PDLIM5: variants seen among roughly 807,000 people sequenced by gnomAD.
PDLIM5 encodes the protein PDZ and LIM domain protein 5.
A neutral mutation model predicts 64.2 loss-of-function variants in PDLIM5; 34 were observed. The ratio of observed to expected loss-of-function variants is 0.53; its 90% CI spans 0.40 to 0.71. The LOEUF (loss-of-function observed/expected upper bound fraction) is 0.71, where lower values mean the gene tolerates loss of function less well. Among genes scored for constraint, PDLIM5 ranks in the 30% least tolerant of loss-of-function variants. The pLI is 0.00. For missense variants in PDLIM5, 683 were observed against 733.6 expected (o/e 0.93, Z 0.80); for synonymous variants, 253 against 269.1 (o/e 0.94, Z 0.59).
intron 2 of PDLIM5, among the ~76,000 whole-genome samples, chr4:94,461,987 T>G (rs1723927352): frequency 6.6e-6 from 1 of 152,082 alleles, no homozygotes; most frequent in Non-Finnish European, 1.5e-5. Context: ...CCTCAGCCTC[T>G]TGAGTAGCTG....
Position 94,575,701 on chromosome 4 carries a change from A to G in PDLIM5, c.377A>G (p.Asn126Ser), listed in dbSNP as rs1192491426. 4 of 1,613,874 alleles carry G rather than the reference A, an allele frequency of 2.5e-6. No homozygotes were observed. The highest frequency in any genetic ancestry group is 1.3e-5 in the African/African-American group (1 of 75,028). ...KVTSTNNMAYNKAPRPFGSVS... is the reference protein window; with the variant it reads ...KVTSTNNMAYSKAPRPFGSVS... ...ACTTCCACAAACAACATGGCCTACA[A>G]TAAGGCACCACGGCCTTTTGGTTCT... is the stretch of plus-strand genomic sequence containing the variant. The change falls in exon 5 of 13, where the codon AAT (asparagine) becomes AGT (serine). Residue 126 changes from asparagine to serine, a missense_variant. Coordinates refer to ENST00000317968, the MANE Select transcript of PDLIM5 (RefSeq NM_006457.5).
intron 2 of PDLIM5, among the ~76,000 whole-genome samples, chr4:94,458,072 G>A (rs1423735950): frequency 1.3e-5 from 2 of 152,166 alleles, no homozygotes; most frequent in Admixed American, 6.6e-5. Context: ...TTAACCCCTT[G>A]TGTGGTTTAA....
chr4:94,463,363 T>G (rs2126082737), intron 2 of PDLIM5, among the ~76,000 whole-genome samples: 2 of 152,292 alleles, frequency 1.3e-5, no homozygotes, highest in South Asian at 4.1e-4. Flanking sequence ...GCCTTACCCA[T>G]AATATAAACA....
At chr4:94,551,951 C>T (rs753382904) in intron 3 of PDLIM5, among the ~76,000 whole-genome samples, 4 of 152,012 alleles carry the variant, frequency 2.6e-5, no homozygotes, top group Non-Finnish European at 5.9e-5. Context: ...GACTTTTTTC[C>T]TGTATATGAG....
At chr4:94,504,109 A>G (rs1451643763) in intron 2 of PDLIM5, among the ~76,000 whole-genome samples, 1 of 152,074 alleles carries the variant, frequency 6.6e-6, no homozygotes, top group Non-Finnish European at 1.5e-5. Flanking sequence ...GTATTTTAGT[A>G]TTTTCTTTTG....
At chr4:94,628,610 T>C (rs1739890616) in intron 8 of PDLIM5, among the ~76,000 whole-genome samples, 1 of 152,166 alleles carries the variant, frequency 6.6e-6, no homozygotes. Flanking sequence ...ACCTTTCTCC[T>C]TCATTTCTGA....
At chr4:94,623,440 C>T (rs1237308479) in intron 8 of PDLIM5, among the ~76,000 whole-genome samples, 5 of 152,152 alleles carry the variant, frequency 3.3e-5, no homozygotes, top group Admixed American at 3.3e-4. Context: ...CAGCTTGTTC[C>T]CCCTTTGTGA....
rs544085779 is a variant in PDLIM5, at chr4:94,608,491, A to G, written c.921-9513A>G. On this transcript the variant is annotated intron_variant, in intron 7 of 12. Transcript: ENST00000317968. Reference sequence around the variant, plus strand: ...GAATTAGAGCATTTGCCTCAAAGACAGGTAAAGGTCATACACAATATGTTA... The same window carrying G: ...GAATTAGAGCATTTGCCTCAAAGACGGGTAAAGGTCATACACAATATGTTA... 5.0e-4 allele frequency among the ~76,000 whole-genome samples: 76 copies of G among 152,294 alleles called. 1 individual carries two copies. Among genetic ancestry groups the G allele is most frequent in the Middle Eastern group, 3.4e-3 (1 of 294 alleles).
chr4:94,585,789 A>G (rs758717790), intron 6 of PDLIM5, 52 bp downstream of exon 6: 6 of 1,422,014 alleles, frequency 4.2e-6, no homozygotes, highest in Non-Finnish European at 2.0e-6. Flanking sequence ...TGCCCCAGAG[A>G]GTGGCATTGA....
intron 5 of PDLIM5, chr4:94,582,983 A>T (rs761067980): frequency 2.5e-6 from 1 of 402,752 alleles, no homozygotes; most frequent in Non-Finnish European, 4.4e-6. Context: ...GATGAGTATT[A>T]TGGACAGTGT....
intron 5 of PDLIM5, 56 bp from the exon 6 acceptor site, chr4:94,585,509 T>TCAA: frequency 9.8e-7 from 1 of 1,024,360 alleles, no homozygotes; most frequent in Non-Finnish European, 1.4e-6. Flanking sequence ...AGAAGATATT[T>TCAA]TATCCTTTTA....
intron 2 of PDLIM5, among the ~76,000 whole-genome samples, chr4:94,483,671 A>G (rs1360458076): frequency 2.0e-5 from 3 of 152,140 alleles, no homozygotes; most frequent in Non-Finnish European, 4.4e-5. Context: ...AAAAATAGAG[A>G]TGGTTCAACA....
intron 3 of PDLIM5, among the ~76,000 whole-genome samples, chr4:94,564,945 C>A (rs1243742425): frequency 6.6e-6 from 1 of 152,090 alleles, no homozygotes; most frequent in Admixed American, 6.5e-5. Context: ...CATGAGCCGC[C>A]ACGCCCAGCC....
chr4:94,580,500 C>G (rs1466468518), intron 5 of PDLIM5, among the ~76,000 whole-genome samples: 1 of 151,944 alleles, frequency 6.6e-6, no homozygotes, highest in East Asian at 1.9e-4. Context: ...TTAAATTTTT[C>G]TGGACGGAGA....
At chr4:94,514,876 G>A (rs1729226648) in intron 2 of PDLIM5, among the ~76,000 whole-genome samples, 1 of 152,172 alleles carries the variant, frequency 6.6e-6, no homozygotes, top group African/African-American at 2.4e-5. Flanking sequence ...AGTATCAGTA[G>A]TAATTTAGTC....
At chr4:94,584,763 A>G (rs942369530) in intron 5 of PDLIM5, 2 of 479,338 alleles carry the variant, frequency 4.2e-6, no homozygotes, top group African/African-American at 2.0e-5. Flanking sequence ...GTGAAAGCCA[A>G]TACATTCTAG....
At chr4:94,588,042 T>C in intron 7 of PDLIM5, 2 of 908,678 alleles carry the variant, frequency 2.2e-6, no homozygotes, top group Non-Finnish European at 2.6e-6. Flanking sequence ...CCTTGTAATA[T>C]AGTGTATTAT....
chr4:94,564,248 C>A (rs1212471051), intron 3 of PDLIM5, among the ~76,000 whole-genome samples: 1 of 152,152 alleles, frequency 6.6e-6, no homozygotes, highest in African/African-American at 2.4e-5. Flanking sequence ...AAGCATGAGC[C>A]ATCGTGCCCG....
At chr4:94,640,494 T>C (rs1187347051) in intron 9 of PDLIM5, 44 bp downstream of exon 9, 1 of 1,195,550 alleles carries the variant, frequency 8.4e-7, no homozygotes, top group Non-Finnish European at 1.1e-6. Flanking sequence ...TTAATATCAA[T>C]GTTGGGTTTT....
Sources: allele counts gnomAD v4.1 joint callset (sites outside exome capture counted in the v4.1 genomes callset), GRCh38; gene constraint gnomAD v4.1.1; transcripts MANE v1.5; gene names NCBI Gene and HGNC (gene_info 2026-07-23, HGNC 2026-07-21).